The following FARP1 variants were observed in gnomAD, a reference collection of about 807,000 sequenced individuals.
The protein encoded by FARP1 is FERM, ARHGEF and pleckstrin domain-containing protein 1.
FARP1 carries 52 observed loss-of-function variants against 128.8 expected under a neutral mutation model. The ratio of observed to expected loss-of-function variants is 0.40; its 90% CI spans 0.32 to 0.51. The LOEUF (loss-of-function observed/expected upper bound fraction) is 0.51. Among genes scored for constraint, FARP1 ranks in the 20% least tolerant of loss-of-function variants. The pLI is 0.45. For missense variants in FARP1, 1,333 were observed against 1,367.9 expected, an observed-to-expected ratio of 0.97 and a Z score of 0.40; for synonymous variants, 580 against 551.8, an observed-to-expected ratio of 1.05 and a Z score of -0.72.
intron 2 of FARP1, among the ~76,000 whole-genome samples, chr13:98,219,828 G>C (rs1881308856): frequency 6.6e-6 from 1 of 151,766 alleles, no homozygotes. Flanking sequence ...ACCACACCTA[G>C]CTATTTTTTT....
intron 2 of FARP1, among the ~76,000 whole-genome samples, chr13:98,279,581 C>T (rs7328463): frequency 0.084 from 12,737 of 152,230 alleles, 1,078 homozygotes; most frequent in African/African-American, 0.22. Context: ...TTTTAATTAA[C>T]TTACTAGCCA....
intron 1 of FARP1, among the ~76,000 whole-genome samples, chr13:98,205,355 G>A (rs1880202198): frequency 6.6e-6 from 1 of 152,034 alleles, no homozygotes; most frequent in Admixed American, 6.6e-5. Context: ...CCGATTGTGG[G>A]TATGTTGGAT....
chr13:98,409,257 A>G, intron 13 of FARP1, 81 bp from the exon 14 acceptor site: 1 of 1,118,278 alleles, frequency 8.9e-7, no homozygotes, highest in South Asian at 1.8e-5. Flanking sequence ...ACGATTTGAA[A>G]AAGGTGAAAG....
chr13:98,261,518 C>CTTT (rs11407005), intron 2 of FARP1, among the ~76,000 whole-genome samples: 6 of 139,948 alleles, frequency 4.3e-5, no homozygotes, highest in African/African-American at 1.3e-4. Flanking sequence ...TGTCTGTGTA[C>CTTT]TTTTTTTTTT....
intron 2 of FARP1, among the ~76,000 whole-genome samples, chr13:98,317,475 A>T (rs1285522818): frequency 6.6e-6 from 1 of 152,070 alleles, no homozygotes; most frequent in African/African-American, 2.4e-5. Context: ...GGAGGCATTG[A>T]CTCCATAAGT....
chr13:98,340,297 G>A lies in FARP1; in HGVS notation c.172-3465G>A, dbSNP rs1044704511. Among the ~76,000 whole-genome samples, 9 of 152,158 alleles carry A rather than the reference G, an allele frequency of 5.9e-5. 1 individual carries two copies. Among genetic ancestry groups the A allele is most frequent in the African/African-American group, 2.2e-4 (9 of 41,442 alleles). On this transcript the variant is annotated intron_variant, in intron 2 of 26. Coordinates refer to ENST00000319562, the MANE Select transcript of FARP1 (RefSeq NM_005766.4). ...AGAAAGAAGGTTCTGAAACTGGAAT[G>A]TGTTCTTCCTTTAAAAGAAAATCTT...
At chr13:98,214,608 A>T (rs1880948224) in intron 2 of FARP1, among the ~76,000 whole-genome samples, 1 of 152,220 alleles carries the variant, frequency 6.6e-6, no homozygotes, top group Admixed American at 6.5e-5. Flanking sequence ...ATTTCAAAGA[A>T]CATTGCTCAG....
intron 1 of FARP1, among the ~76,000 whole-genome samples, chr13:98,198,980 G>C (rs1879762312): frequency 1.0e-4 from 1 of 9,682 alleles, no homozygotes; most frequent in African/African-American, 3.3e-4. Context: ...TCGGGAGTCT[G>C]AGGCTGGAGG....
At chr13:98,187,947 A>G (rs1878985066) in intron 1 of FARP1, among the ~76,000 whole-genome samples, 1 of 152,234 alleles carries the variant, frequency 6.6e-6, no homozygotes, top group African/African-American at 2.4e-5. Flanking sequence ...CATGAAGACA[A>G]TTATTTTGAC....
chr13:98,330,702 C>T (rs570797680), intron 2 of FARP1, among the ~76,000 whole-genome samples: 1 of 152,034 alleles, frequency 6.6e-6, no homozygotes, highest in African/African-American at 2.4e-5. Flanking sequence ...TTGCAGTGCG[C>T]CAAGATCACG....
chr13:98,363,481 G>C (rs1888957721), intron 3 of FARP1, among the ~76,000 whole-genome samples: 1 of 152,196 alleles, frequency 6.6e-6, no homozygotes, highest in African/African-American at 2.4e-5. Flanking sequence ...GGGCCCAGCT[G>C]GGGGTACCCA....
At chr13:98,397,238 T>C (rs1370357814) in intron 13 of FARP1, 2 of 152,254 alleles carry the variant, frequency 1.3e-5, no homozygotes, top group African/African-American at 4.8e-5. Flanking sequence ...TCAGAATCTC[T>C]TGGTGAAACT....
chr13:98,280,243 G>A (rs1884866482), intron 2 of FARP1, among the ~76,000 whole-genome samples: 1 of 152,172 alleles, frequency 6.6e-6, no homozygotes, highest in Non-Finnish European at 1.5e-5. Flanking sequence ...GTGCTTCCGG[G>A]GTCTCCGGGA....
chr13:98,292,523 T>C (rs899152550), intron 2 of FARP1, among the ~76,000 whole-genome samples: 1 of 152,250 alleles, frequency 6.6e-6, no homozygotes, highest in Non-Finnish European at 1.5e-5. Context: ...CACATGTGGC[T>C]ATTTAAATTT....
chr13:98,211,244 G>A (rs548822117), intron 1 of FARP1, among the ~76,000 whole-genome samples: 7 of 152,338 alleles, frequency 4.6e-5, no homozygotes, highest in African/African-American at 1.7e-4. Flanking sequence ...GGGCCGCACA[G>A]CAGGAGGTGA....
chr13:98,423,698 T>C lies in FARP1; in HGVS notation c.1827-874T>C, dbSNP rs117404008. On this transcript the variant is annotated intron_variant, in intron 16 of 26. Transcript: ENST00000319562. ...GTGGTTTCTTCATGCTTCTGTCTCCTTCACTATAACATGAGGGTGATAGTG... is the reference window on the plus strand; with the variant it reads ...GTGGTTTCTTCATGCTTCTGTCTCCCTCACTATAACATGAGGGTGATAGTG... Among the ~76,000 whole-genome samples, 1,017 of 152,280 alleles carry C rather than the reference T, an allele frequency of 6.7e-3. 6 individuals are homozygous for C. The highest frequency in any genetic ancestry group is 9.1e-3 in the Non-Finnish European group (620 of 68,024).
At chr13:98,311,999 A>G (rs779622682) in intron 2 of FARP1, among the ~76,000 whole-genome samples, 7 of 151,542 alleles carry the variant, frequency 4.6e-5, no homozygotes, top group African/African-American at 1.5e-4. Flanking sequence ...ACCTACCACC[A>G]TGCTTGGCTA....
intron 1 of FARP1, among the ~76,000 whole-genome samples, chr13:98,184,551 T>G (rs1393970921): frequency 6.6e-6 from 1 of 152,232 alleles, no homozygotes; most frequent in African/African-American, 2.4e-5. Context: ...TGGAGTGTGA[T>G]TCACCTGTTG....
At chr13:98,443,831 C>G (rs1436775184) in intron 24 of FARP1, among the ~76,000 whole-genome samples, 1 of 7,072 alleles carries the variant, frequency 1.4e-4, no homozygotes, top group African/African-American at 2.0e-4. Flanking sequence ...GCAGACAGAG[C>G]GCAGACAGGA....
Sources: gnomAD v4.1 joint callset for allele counts (sites outside exome capture counted in the v4.1 genomes callset) on GRCh38, gnomAD v4.1.1 for gene constraint, MANE v1.5 for transcripts, NCBI Gene and HGNC (gene_info 2026-07-23, HGNC 2026-07-21) for gene names.